Variants in ANO10 observed in about 807,000 individuals in gnomAD.
The protein encoded by ANO10 is anoctamin-10.
In ANO10, 77 loss-of-function variants were observed where a neutral mutation model predicts 74.7. The observed-to-expected ratio is 1.03, with a 90% CI of 0.86 to 1.25. The LOEUF (loss-of-function observed/expected upper bound fraction) is 1.25. Among genes scored for constraint, ANO10 ranks in the 50% most tolerant of loss-of-function variants. The pLI is 0.00. For missense variants in ANO10, 721 were observed against 778.1 expected (o/e 0.93, Z 0.87); for synonymous variants, 279 against 284.9 (o/e 0.98, Z 0.21).
At chr3:43,508,054 T>G (rs770205311) in intron 11 of ANO10, among the ~76,000 whole-genome samples, 1 of 152,096 alleles carries the variant, frequency 6.6e-6, no homozygotes, top group Non-Finnish European at 1.5e-5. Flanking sequence ...AAGTTTATGT[T>G]GCTGAAGAGG....
At chr3:43,577,481 TG>T (rs1228925607) in intron 5 of ANO10, among the ~76,000 whole-genome samples, 67 of 152,252 alleles carry the variant, frequency 4.4e-4, no homozygotes, top group Middle Eastern at 3.4e-3. Context: ...AGGCCTTAGC[TG>T]GGGGGTGTGC....
intron 12 of ANO10, among the ~76,000 whole-genome samples, chr3:43,402,256 T>G (rs2148872368): frequency 6.6e-6 from 1 of 152,336 alleles, no homozygotes; most frequent in East Asian, 1.9e-4. Flanking sequence ...CCTCAGCCCC[T>G]GCGCATGAGC....
intron 1 of ANO10, among the ~76,000 whole-genome samples, chr3:43,632,584 C>G (rs1271903328): frequency 1.3e-5 from 2 of 152,248 alleles, no homozygotes; most frequent in Non-Finnish European, 2.9e-5. Flanking sequence ...TGTGAATAGT[C>G]TCTTTTTAAA....
intron 11 of ANO10, among the ~76,000 whole-genome samples, chr3:43,512,367 C>T (rs920566097): frequency 6.6e-6 from 1 of 152,178 alleles, no homozygotes; most frequent in African/African-American, 2.4e-5. Context: ...ATAATTAATG[C>T]ACACTGTGCA....
At chr3:43,607,784 T>C (rs909019650) in intron 1 of ANO10, among the ~76,000 whole-genome samples, 5 of 152,096 alleles carry the variant, frequency 3.3e-5, no homozygotes, top group Admixed American at 1.3e-4. Flanking sequence ...AAAGACAAGA[T>C]TGATAATTTT....
intron 11 of ANO10, among the ~76,000 whole-genome samples, chr3:43,458,186 A>C (rs2075222046): frequency 6.6e-6 from 1 of 152,154 alleles, no homozygotes; most frequent in Non-Finnish European, 1.5e-5. Flanking sequence ...AAAATTATTA[A>C]AACCCTGAAG....
intron 10 of ANO10, among the ~76,000 whole-genome samples, chr3:43,553,537 C>CTTTTTTTTTT (rs1259828062): frequency 9.7e-6 from 1 of 102,590 alleles, no homozygotes; most frequent in African/African-American, 4.1e-5. Context: ...GATAATTTCT[C>CTTTTTTTTTT]TCTTTTTTTT....
intron 4 of ANO10, among the ~76,000 whole-genome samples, chr3:43,582,874 A>G (rs1434076420): frequency 1.3e-5 from 2 of 152,198 alleles, no homozygotes; most frequent in African/African-American, 2.4e-5. Context: ...TCAGCTTAGA[A>G]GAGTTAGAGT....
At chr3:43,634,262 G>A (rs1386055587) in intron 1 of ANO10, among the ~76,000 whole-genome samples, 20 of 151,952 alleles carry the variant, frequency 1.3e-4, no homozygotes, top group Admixed American at 6.6e-5. Flanking sequence ...CTTAGTAAGA[G>A]AACGATTGCT....
chr3:43,477,876 G>A (rs1256062410), intron 11 of ANO10, among the ~76,000 whole-genome samples: 1 of 152,122 alleles, frequency 6.6e-6, no homozygotes, highest in Non-Finnish European at 1.5e-5. Context: ...TTTGACTTTG[G>A]CAGGGGCCCG....
chr3:43,503,067 G>A (rs995297800), intron 11 of ANO10, among the ~76,000 whole-genome samples: 26 of 152,024 alleles, frequency 1.7e-4, no homozygotes, highest in Non-Finnish European at 3.1e-4. Flanking sequence ...ACTTAAAATG[G>A]TCAAGACAGT....
At chr3:43,667,043 T>C (rs1313893432) in intron 1 of ANO10, among the ~76,000 whole-genome samples, 1 of 151,762 alleles carries the variant, frequency 6.6e-6, no homozygotes, top group Non-Finnish European at 1.5e-5. Context: ...TCTTGTTTTT[T>C]AATCCTCATG....
At chr3:43,620,025 G>A (rs960849099) in intron 1 of ANO10, among the ~76,000 whole-genome samples, 2 of 152,110 alleles carry the variant, frequency 1.3e-5, no homozygotes, top group African/African-American at 4.8e-5. Flanking sequence ...AAGGTTTACT[G>A]CTTATAAAAA....
At chr3:43,490,618 C>T (rs1009346901) in intron 11 of ANO10, among the ~76,000 whole-genome samples, 1 of 152,176 alleles carries the variant, frequency 6.6e-6, no homozygotes, top group African/African-American at 2.4e-5. Context: ...CTAATTCATT[C>T]TAAAAAGCCG....
At chr3:43,475,581 G>T (rs958825922) in intron 11 of ANO10, among the ~76,000 whole-genome samples, 2 of 151,182 alleles carry the variant, frequency 1.3e-5, no homozygotes, top group East Asian at 3.9e-4. Flanking sequence ...ACAAATTTGT[G>T]GGGGGGGTTC....
At chr3:43,671,249 T>A (rs2084055600) in intron 1 of ANO10, among the ~76,000 whole-genome samples, 1 of 152,140 alleles carries the variant, frequency 6.6e-6, no homozygotes, top group East Asian at 1.9e-4. Context: ...TAGTTCTGAG[T>A]ACTTTTAGGA....
intron 7 of ANO10, among the ~76,000 whole-genome samples, chr3:43,572,313 G>C (rs1221921400): frequency 6.6e-6 from 1 of 152,172 alleles, no homozygotes; most frequent in Non-Finnish European, 1.5e-5. Flanking sequence ...GCTCCACAGA[G>C]AGATCCCAGG....
intron 1 of ANO10, among the ~76,000 whole-genome samples, chr3:43,642,042 C>T (rs928361535): frequency 1.3e-5 from 2 of 152,140 alleles, no homozygotes; most frequent in African/African-American, 4.8e-5. Context: ...AGGACATTCT[C>T]CTTACTGGTG....
At chr3:43,622,690 T>C (rs2083446086), upstream of ANO10, among the ~76,000 whole-genome samples, 3 of 152,104 alleles carry the variant, frequency 2.0e-5, no homozygotes. Context: ...CAGAAAGCTC[T>C]TCCCTCGGTT....
Sources: allele counts gnomAD v4.1 joint callset (sites outside exome capture counted in the v4.1 genomes callset), GRCh38; gene constraint gnomAD v4.1.1; transcripts MANE v1.5; gene names NCBI Gene and HGNC (gene_info 2026-07-23, HGNC 2026-07-21).